Variants in SLCO3A1 observed in about 807,000 individuals in gnomAD.
SLCO3A1 encodes the protein PGE1 transporter.
Under a neutral mutation model 63.1 loss-of-function variants are expected in SLCO3A1, and 27 were observed. The observed-to-expected ratio is 0.43, with a 90% CI of 0.32 to 0.59. The LOEUF (loss-of-function observed/expected upper bound fraction) is 0.59, where lower values mean the gene tolerates loss of function less well. Among genes scored for constraint, SLCO3A1 ranks in the 20% least tolerant of loss-of-function variants. The pLI, the probability that SLCO3A1 is intolerant of heterozygous loss-of-function variation, is 0.09. For synonymous variants in SLCO3A1, 473 were observed against 409.9 expected, an observed-to-expected ratio of 1.15 and a Z score of -1.86; for missense variants, 773 against 945.8, an observed-to-expected ratio of 0.82 and a Z score of 2.40.
In SLCO3A1 at chr15:91,942,883, G is replaced by A. The variant is rs576258233; in HGVS notation, c.646+26425G>A. Among the ~76,000 whole-genome samples, 81 of 152,316 alleles carry A rather than the reference G, an allele frequency of 5.3e-4. No individual in the cohort carries two copies. The highest frequency in any genetic ancestry group is 1.9e-3 in the African/African-American group (79 of 41,580). ...CCCAGCCCTTTGCTGGAAATCTTAA[G>A]GGGAGTTCCCCTATTGATCAGACAG... On this transcript the variant is annotated intron_variant, in intron 2 of 9. Coordinates refer to ENST00000318445, the MANE Select transcript of SLCO3A1 (RefSeq NM_013272.4). This position sits in a 1 kb window ranked among gnomAD's most constrained non-coding sequence, Gnocchi z 4.1.
At chr15:92,105,545 G>A (rs1052403527) in intron 4 of SLCO3A1, among the ~76,000 whole-genome samples, 2 of 152,128 alleles carry the variant, frequency 1.3e-5, no homozygotes, top group African/African-American at 2.4e-5. Context: ...TTCCATCTTC[G>A]GCACAATCCT....
intron 2 of SLCO3A1, among the ~76,000 whole-genome samples, chr15:92,005,275 C>A (rs17644254): frequency 0.18 from 27,789 of 152,198 alleles, 2,916 homozygotes; most frequent in East Asian, 0.35. Flanking sequence ...TGGAAACCAT[C>A]TGCTGGTTAA....
At position 92,033,132 on chromosome 15, in the gene SLCO3A1, C is replaced by G. The variant is rs938716773; in HGVS notation, c.647-61749C>G. Among the ~76,000 whole-genome samples the G allele has an allele frequency of 6.6e-6, 1 of 151,948 alleles. No homozygotes were observed. The highest frequency in any genetic ancestry group is 1.5e-5 in the Non-Finnish European group (1 of 68,014). ...TTTTAGAATTTACCAAAGAATCTCA[C>G]GTGTAAAAAAAACAAAAGAACTCCA... On this transcript the variant is annotated intron_variant, in intron 2 of 9. Transcript: ENST00000318445. This position sits in a 1 kb window ranked among gnomAD's most constrained non-coding sequence, Gnocchi z 4.5.
At chr15:92,112,729 A>C (rs911368462) in intron 4 of SLCO3A1, among the ~76,000 whole-genome samples, 1 of 152,168 alleles carries the variant, frequency 6.6e-6, no homozygotes, top group Non-Finnish European at 1.5e-5. Context: ...AGACACTGTG[A>C]TCCTTGTGGA....
In SLCO3A1 at chr15:91,968,156, G is replaced by A. The variant is rs984134673; in HGVS notation, c.646+51698G>A. Among the ~76,000 whole-genome samples, 4 of 152,094 alleles carry A rather than the reference G, an allele frequency of 2.6e-5. No individual in the cohort carries two copies. Among genetic ancestry groups the A allele is most frequent in the Non-Finnish European group, 4.4e-5 (3 of 68,016 alleles). On this transcript the variant is annotated intron_variant, in intron 2 of 9. Transcript: ENST00000318445. This position sits in a 1 kb window ranked among gnomAD's most constrained non-coding sequence, Gnocchi z 4.2. ...GTGTCTCCTTTCTCAGACAGAGGAC[G>A]TAATCATCCATGCCCACAGAGGAGA...
chr15:91,880,195 A>G (rs957621907), intron 1 of SLCO3A1, among the ~76,000 whole-genome samples: 1 of 151,024 alleles, frequency 6.6e-6, no homozygotes, highest in African/African-American at 2.4e-5. Context: ...CTATCTATCT[A>G]TCATCCTGAG....
At chr15:92,146,550 A>G (rs753513553) in intron 7 of SLCO3A1, among the ~76,000 whole-genome samples, 5 of 152,162 alleles carry the variant, frequency 3.3e-5, no homozygotes, top group Non-Finnish European at 7.3e-5. Flanking sequence ...ACCAGCAACA[A>G]TATGCGGGTT....
chr15:92,116,333 A>T (rs779697010), intron 4 of SLCO3A1, among the ~76,000 whole-genome samples: 2 of 152,224 alleles, frequency 1.3e-5, no homozygotes, highest in Non-Finnish European at 2.9e-5. Flanking sequence ...TCTCTTAAAG[A>T]CTAGCAGTAG....
At chr15:91,889,113 C>T (rs971499141) in intron 1 of SLCO3A1, 123 of 1,245,598 alleles carry the variant, frequency 9.9e-5, no homozygotes, top group Non-Finnish European at 1.3e-4. Flanking sequence ...TAAATATATT[C>T]CAGCTAAGTG....
chr15:91,930,061 G>T (rs1056399089), intron 2 of SLCO3A1, among the ~76,000 whole-genome samples: 1 of 152,076 alleles, frequency 6.6e-6, no homozygotes, highest in Non-Finnish European at 1.5e-5. Flanking sequence ...GTATCCTAAG[G>T]TGTGTTAAAC....
At chr15:91,947,345 G>A (rs942578231) in intron 2 of SLCO3A1, among the ~76,000 whole-genome samples, 1 of 152,170 alleles carries the variant, frequency 6.6e-6, no homozygotes, top group African/African-American at 2.4e-5. Flanking sequence ...TGAAATTGTG[G>A]GAATCCTCAG....
intron 3 of SLCO3A1, among the ~76,000 whole-genome samples, chr15:92,103,765 C>A (rs1274810065): frequency 6.6e-6 from 1 of 151,968 alleles, no homozygotes; most frequent in Non-Finnish European, 1.5e-5. Context: ...AGGACTTCAA[C>A]CCAGGCAGCC....
At chr15:92,022,833 GGAA>G (rs536038162) in intron 2 of SLCO3A1, among the ~76,000 whole-genome samples, 256 of 151,230 alleles carry the variant, frequency 1.7e-3, no homozygotes, top group Admixed American at 3.5e-3. Context: ...AGGCTTCCCA[GGAA>G]GAAGAAGGGC....
chr15:91,933,823 GT>G (rs1379306194), intron 2 of SLCO3A1, among the ~76,000 whole-genome samples: 1 of 152,208 alleles, frequency 6.6e-6, no homozygotes, highest in African/African-American at 2.4e-5. Flanking sequence ...CTTGAATACA[GT>G]TGTCTGCTGT....
intron 1 of SLCO3A1, among the ~76,000 whole-genome samples, chr15:91,887,746 C>A (rs562485411): frequency 6.6e-6 from 1 of 152,188 alleles, no homozygotes; most frequent in African/African-American, 2.4e-5. Flanking sequence ...TAAAACCAGG[C>A]TGGATGCAAC....
intron 2 of SLCO3A1, among the ~76,000 whole-genome samples, chr15:91,961,927 A>T (rs1007009329): frequency 1.3e-5 from 2 of 152,226 alleles, no homozygotes; most frequent in African/African-American, 4.8e-5. Context: ...ATTTTATGAA[A>T]ACCCTGGGAC....
At chr15:91,966,821 T>G (rs1223739582) in intron 2 of SLCO3A1, among the ~76,000 whole-genome samples, 6 of 152,182 alleles carry the variant, frequency 3.9e-5, no homozygotes, top group Non-Finnish European at 5.9e-5. Context: ...AAAGGTGATT[T>G]CAACTTGAAG....
intron 2 of SLCO3A1, among the ~76,000 whole-genome samples, chr15:92,028,788 A>AGTGG (rs1322014023): frequency 6.6e-6 from 1 of 152,220 alleles, no homozygotes; most frequent in African/African-American, 2.4e-5. Flanking sequence ...AGCCAAGTGG[A>AGTGG]GAATGCCAGA....
chr15:92,028,675 C>A (rs1355509911), intron 2 of SLCO3A1, among the ~76,000 whole-genome samples: 1 of 152,094 alleles, frequency 6.6e-6, no homozygotes, highest in Admixed American at 6.5e-5. Context: ...ATGATCAGGA[C>A]TTGGGTTTAA....
Sources: gnomAD v4.1 joint callset for allele counts (sites outside exome capture counted in the v4.1 genomes callset) on GRCh38, gnomAD v4.1.1 for gene constraint, Gnocchi (gnomAD v3.1) non-coding constraint, MANE v1.5 for transcripts, NCBI Gene and HGNC (gene_info 2026-07-23, HGNC 2026-07-21) for gene names.